Variants in ESRRG observed in about 807,000 individuals in gnomAD.
ESRRG encodes the protein estrogen related receptor gamma.
ESRRG carries 13 observed loss-of-function variants against 44.0 expected under a neutral mutation model. The observed-to-expected ratio is 0.30, with a 90% CI of 0.19 to 0.47. The LOEUF (loss-of-function observed/expected upper bound fraction) is 0.47. Ranked by LOEUF, ESRRG falls within the 20% of genes least tolerant of loss-of-function variation. The pLI is 1.00. For synonymous variants in ESRRG, 215 were observed against 214.6 expected (o/e 1.00, Z -0.02); for missense variants, 395 against 580.6 (o/e 0.68, Z 3.29).
chr1:217,079,148 G>A (rs1031314145), intron 1 of ESRRG, among the ~76,000 whole-genome samples: 3 of 152,192 alleles, frequency 2.0e-5, no homozygotes, highest in Non-Finnish European at 4.4e-5. Context: ...GAAAAAGAGA[G>A]AGACAGAGAC....
chr1:216,948,481 A>G (rs1468431620), intron 1 of ESRRG, among the ~76,000 whole-genome samples: 2 of 150,428 alleles, frequency 1.3e-5, no homozygotes, highest in Non-Finnish European at 3.0e-5. Flanking sequence ...CATCTCAAAA[A>G]AAAAAAAAAA....
At chr1:217,035,051 G>T (rs11581079) in intron 1 of ESRRG, among the ~76,000 whole-genome samples, 31,692 of 152,096 alleles carry the variant, frequency 0.21, 3,700 homozygotes, top group East Asian at 0.45. Context: ...CTAGTCCAGA[G>T]TTCACATCTT....
At position 217,114,669 on chromosome 1, in the gene ESRRG, T is replaced by C. The variant is rs1009411978; in HGVS notation, c.-230+22998A>G. ...GTGCATGGAGGTCCAAAAGATTTCT[T>C]TTTTTTTTTTTTTTTTTTTGAGACG... On this transcript the variant is annotated intron_variant, in intron 1 of 8. Coordinates refer to the ESRRG transcript ENST00000366940. 9.9e-3 allele frequency among the ~76,000 whole-genome samples: 347 copies of C among 34,898 alleles called. 2 individuals carry two copies. The highest frequency in any genetic ancestry group is 0.05 in the African/African-American group (330 of 6,620). 22.9% of individuals were successfully genotyped at this position (34,898 alleles called of 152,430 possible).
intron 2 of ESRRG, among the ~76,000 whole-genome samples, chr1:216,752,510 CAGGAGAA>C (rs1215975223): frequency 3.3e-5 from 5 of 152,086 alleles, no homozygotes; most frequent in African/African-American, 1.2e-4. Flanking sequence ...CTGAAGCAAA[CAGGAGAA>C]ACATACCTCC....
intron 1 of ESRRG, among the ~76,000 whole-genome samples, chr1:216,681,513 A>G (rs1468414036): frequency 1.3e-5 from 2 of 152,120 alleles, no homozygotes; most frequent in Admixed American, 1.3e-4. Context: ...GGTTTGAGGA[A>G]TTTAACAGCC....
At chr1:216,972,439 C>T (rs1490372846) in intron 1 of ESRRG, among the ~76,000 whole-genome samples, 1 of 152,128 alleles carries the variant, frequency 6.6e-6, no homozygotes, top group Non-Finnish European at 1.5e-5. Flanking sequence ...AAAAATAACA[C>T]CAAGTACACA....
intron 1 of ESRRG, among the ~76,000 whole-genome samples, chr1:217,131,282 G>T (rs527544114): frequency 6.6e-6 from 1 of 151,830 alleles, no homozygotes; most frequent in African/African-American, 2.4e-5. Flanking sequence ...TCTATTTAAA[G>T]GTTAATATGA....
intron 2 of ESRRG, among the ~76,000 whole-genome samples, chr1:216,823,906 C>A (rs1160759053): frequency 1.3e-5 from 2 of 152,074 alleles, no homozygotes; most frequent in African/African-American, 4.8e-5. Flanking sequence ...CCTTTCATTG[C>A]AATGAAAGGG....
intron 1 of ESRRG, among the ~76,000 whole-genome samples, chr1:217,088,095 ATT>A (rs1035367086): frequency 1.3e-5 from 2 of 149,806 alleles, no homozygotes; most frequent in Non-Finnish European, 3.0e-5. Flanking sequence ...CCTCAATCCC[ATT>A]TTTCTGTCTT....
Position 217,106,392 on chromosome 1 carries a change from G to A in ESRRG, c.-230+31275C>T, listed in dbSNP as rs6683609. ...TACATCTATTCACACACTCACATATGCACACACACACACACACACACACAC... is the reference window on the plus strand; with the variant it reads ...TACATCTATTCACACACTCACATATACACACACACACACACACACACACAC... On this transcript the variant is annotated intron_variant, in intron 1 of 8. Transcript: ENST00000366940. 4.6e-3 allele frequency among the ~76,000 whole-genome samples: 380 copies of A among 82,366 alleles called. 2 individuals are homozygous for A. The highest frequency in any genetic ancestry group is 0.018 in the African/African-American group (360 of 19,716). The allele number at this position is 82,366 out of a possible 152,430, so 54.0% of individuals were successfully genotyped here.
intron 2 of ESRRG, among the ~76,000 whole-genome samples, chr1:216,846,358 C>T (rs2095749033): frequency 6.6e-6 from 1 of 152,052 alleles, no homozygotes; most frequent in Non-Finnish European, 1.5e-5. Context: ...AACAAGGAAA[C>T]AATAAACATA....
intron 2 of ESRRG, among the ~76,000 whole-genome samples, chr1:216,876,095 A>C (rs1369357768): frequency 6.6e-6 from 1 of 152,228 alleles, no homozygotes; most frequent in African/African-American, 2.4e-5. Flanking sequence ...GCATAGAAGA[A>C]ATAAGAAAAG....
intron 2 of ESRRG, among the ~76,000 whole-genome samples, chr1:216,851,558 A>C (rs2095843349): frequency 6.6e-6 from 1 of 152,114 alleles, no homozygotes; most frequent in Non-Finnish European, 1.5e-5. Context: ...CTGTATGAGG[A>C]TACAGGGAGA....
intron 1 of ESRRG, among the ~76,000 whole-genome samples, chr1:216,960,136 T>TA (rs35019383): frequency 0.51 from 77,872 of 151,536 alleles, 21,738 homozygotes; most frequent in Middle Eastern, 0.7. Context: ...GTCTGTAATG[T>TA]AAAAAAAAAT....
At chr1:216,988,091 G>C (rs1324075817) in intron 1 of ESRRG, among the ~76,000 whole-genome samples, 1 of 152,018 alleles carries the variant, frequency 6.6e-6, no homozygotes, top group African/African-American at 2.4e-5. Context: ...CTTTGTCTTG[G>C]AGTCTGTTCC....
chr1:216,923,996 T>C (rs1434972046), intron 2 of ESRRG, among the ~76,000 whole-genome samples: 1 of 152,176 alleles, frequency 6.6e-6, no homozygotes, highest in African/African-American at 2.4e-5. Context: ...GAAGATTATT[T>C]AGCTTTGCAA....
intron 3 of ESRRG, among the ~76,000 whole-genome samples, chr1:216,589,902 T>TCAAAAA (rs2057356370): frequency 3.8e-4 from 1 of 2,640 alleles, no homozygotes; most frequent in Admixed American, 3.1e-3. Flanking sequence ...AAACTCTGTC[T>TCAAAAA]CAAAAAAAAA....
At chr1:216,710,289 C>T (rs1261915613) in intron 1 of ESRRG, among the ~76,000 whole-genome samples, 2 of 152,162 alleles carry the variant, frequency 1.3e-5, no homozygotes, top group Non-Finnish European at 2.9e-5. Context: ...AGAGAAATCC[C>T]ACTAAAACTA....
chr1:216,933,576 C>T (rs2063681076), intron 2 of ESRRG, among the ~76,000 whole-genome samples: 1 of 152,166 alleles, frequency 6.6e-6, no homozygotes. Flanking sequence ...TGCAGTATTC[C>T]AGACTTTCCG....
Sources: allele counts gnomAD v4.1 joint callset (sites outside exome capture counted in the v4.1 genomes callset), GRCh38; gene constraint gnomAD v4.1.1; transcripts MANE v1.5; gene names NCBI Gene and HGNC (gene_info 2026-07-23, HGNC 2026-07-21).